The following EDIL3 variants were observed in gnomAD, a reference collection of about 807,000 sequenced individuals.
The protein encoded by EDIL3 is EGF-like repeat and discoidin I-like domain-containing protein 3.
A neutral mutation model predicts 67.4 loss-of-function variants in EDIL3; 37 were observed. That is an observed-to-expected ratio of 0.55 (90% CI 0.42 to 0.72). The LOEUF is 0.72. Among genes scored for constraint, EDIL3 ranks in the 30% least tolerant of loss-of-function variants. The pLI is 0.00. For missense variants in EDIL3, 527 were observed against 586.3 expected (o/e 0.90, Z 1.04); for synonymous variants, 195 against 196.3 (o/e 0.99, Z 0.05).
At chr5:84,057,270 A>G (rs1365125830) in intron 9 of EDIL3, among the ~76,000 whole-genome samples, 5 of 152,118 alleles carry the variant, frequency 3.3e-5, no homozygotes, top group African/African-American at 1.2e-4. Context: ...GGAGGCTCAC[A>G]CTGAAGATTA....
chr5:84,345,350 A>C (rs1379826020), intron 1 of EDIL3, among the ~76,000 whole-genome samples: 2 of 152,146 alleles, frequency 1.3e-5, no homozygotes, highest in Non-Finnish European at 2.9e-5. Context: ...TTTTCAAACT[A>C]CTCATTACCC....
intron 1 of EDIL3, among the ~76,000 whole-genome samples, chr5:84,263,190 A>C (rs184747809): frequency 2.6e-5 from 4 of 152,312 alleles, no homozygotes; most frequent in Non-Finnish European, 4.4e-5. Context: ...AGAAAGCATG[A>C]GAGAGGGCCA....
chr5:84,251,575 C>T (rs1015391956), intron 2 of EDIL3, among the ~76,000 whole-genome samples: 13 of 152,090 alleles, frequency 8.5e-5, no homozygotes, highest in Non-Finnish European at 1.5e-4. Context: ...ATATTTAGTA[C>T]ACCTTTCATA....
intron 1 of EDIL3, among the ~76,000 whole-genome samples, chr5:84,374,454 A>G (rs1747922801): frequency 6.6e-6 from 1 of 152,242 alleles, no homozygotes; most frequent in Non-Finnish European, 1.5e-5. Context: ...TATGTTTCCT[A>G]AAGTGGAAAA....
At chr5:84,112,420 G>T (rs1747580544) in intron 5 of EDIL3, among the ~76,000 whole-genome samples, 1 of 152,154 alleles carries the variant, frequency 6.6e-6, no homozygotes, top group Non-Finnish European at 1.5e-5. Context: ...ATTTCAAAGG[G>T]TCCAGAGAGC....
intron 1 of EDIL3, among the ~76,000 whole-genome samples, chr5:84,379,919 C>T (rs1227960064): frequency 6.6e-6 from 1 of 151,956 alleles, no homozygotes. Flanking sequence ...AAAAGATCTT[C>T]GTTGATTATC....
intron 10 of EDIL3, among the ~76,000 whole-genome samples, chr5:83,959,632 C>CT (rs918951422): frequency 4.6e-5 from 7 of 150,636 alleles, no homozygotes; most frequent in Admixed American, 3.3e-4. Context: ...ATATTGAAGA[C>CT]TTTTTTTTCC....
At chr5:83,952,760 A>T (rs2112118656) in intron 10 of EDIL3, among the ~76,000 whole-genome samples, 1 of 151,976 alleles carries the variant, frequency 6.6e-6, no homozygotes, top group Non-Finnish European at 1.5e-5. Flanking sequence ...CCTTCATGGT[A>T]GATATATAAA....
chr5:84,266,332 C>T (rs1745346190), intron 1 of EDIL3, among the ~76,000 whole-genome samples: 1 of 152,150 alleles, frequency 6.6e-6, no homozygotes, highest in African/African-American at 2.4e-5. Context: ...AACCCTGAGC[C>T]AGCCCCAACA....
At chr5:84,188,495 T>C (rs1743513474) in intron 3 of EDIL3, among the ~76,000 whole-genome samples, 1 of 151,990 alleles carries the variant, frequency 6.6e-6, no homozygotes, top group Non-Finnish European at 1.5e-5. Flanking sequence ...ATAAATCTAA[T>C]ACGTCTTCAT....
At chr5:84,245,618 A>C (rs1744893451) in intron 2 of EDIL3, among the ~76,000 whole-genome samples, 2 of 152,178 alleles carry the variant, frequency 1.3e-5, no homozygotes, top group African/African-American at 4.8e-5. Flanking sequence ...AACAGAATGA[A>C]AGATTGTAAA....
At position 83,942,705 on chromosome 5, in the gene EDIL3, C is replaced by G. The variant is rs1280878234; in HGVS notation, c.*714G>C. On this transcript the variant is annotated 3_prime_UTR_variant, in exon 11 of 11. Transcript: ENST00000296591. ...CAATCTACTGATAGGCAGTCATGTT[C>G]TACATATATGAGTAAACATGACACT... The G allele has an allele frequency of 1.3e-5, 2 of 151,782 alleles. No homozygotes were observed. The highest frequency in any genetic ancestry group is 2.9e-5 in the Non-Finnish European group (2 of 67,940). 9.4% of individuals were successfully genotyped at this position (151,782 alleles called of 1,614,324 possible).
chr5:84,111,831 T>C (rs1747570017), intron 5 of EDIL3, among the ~76,000 whole-genome samples: 1 of 152,048 alleles, frequency 6.6e-6, no homozygotes, highest in Non-Finnish European at 1.5e-5. Flanking sequence ...CACAGAGAAA[T>C]AAGAACATTT....
At chr5:84,088,567 C>T (rs1747111244) in intron 6 of EDIL3, among the ~76,000 whole-genome samples, 1 of 152,090 alleles carries the variant, frequency 6.6e-6, no homozygotes, top group Admixed American at 6.5e-5. Flanking sequence ...TAGTAATAAA[C>T]TAAGGAGACC....
intron 9 of EDIL3, among the ~76,000 whole-genome samples, chr5:84,018,088 G>C (rs1745641661): frequency 6.6e-6 from 1 of 152,136 alleles, no homozygotes; most frequent in East Asian, 1.9e-4. Flanking sequence ...TCCCTCCTCA[G>C]CTCTGAAGTC....
intron 1 of EDIL3, among the ~76,000 whole-genome samples, chr5:84,373,751 G>C (rs978189096): frequency 1.2e-4 from 19 of 152,068 alleles, no homozygotes; most frequent in African/African-American, 4.3e-4. Flanking sequence ...TAGTGACCAA[G>C]AGTAGGGTCA....
intron 1 of EDIL3, among the ~76,000 whole-genome samples, chr5:84,303,808 C>CTCTGTGTGTGTGTGTGTGTGTG (rs1445734359): frequency 7.4e-6 from 1 of 135,358 alleles, no homozygotes; most frequent in African/African-American, 2.8e-5. Context: ...CTCTCTCTCT[C>CTCTGTGTGTGTGTGTGTGTGTG]TGTGTGTGTG....
intron 1 of EDIL3, among the ~76,000 whole-genome samples, chr5:84,257,703 C>T (rs1745146306): frequency 6.6e-6 from 1 of 151,974 alleles, no homozygotes; most frequent in Admixed American, 6.6e-5. Context: ...ATGAAAATGT[C>T]CGATTAAGCT....
chr5:83,958,327 A>G (rs897989357), intron 10 of EDIL3, among the ~76,000 whole-genome samples: 1 of 151,510 alleles, frequency 6.6e-6, no homozygotes, highest in Non-Finnish European at 1.5e-5. Context: ...AGCTCTCCTC[A>G]TGAGTGCCAT....
Sources: allele counts gnomAD v4.1 joint callset (sites outside exome capture counted in the v4.1 genomes callset), GRCh38; gene constraint gnomAD v4.1.1; transcripts MANE v1.5; gene names NCBI Gene and HGNC (gene_info 2026-07-23, HGNC 2026-07-21).